Variants in CCDC160 observed in about 807,000 individuals in gnomAD.
The protein encoded by CCDC160 is coiled-coil domain containing 160.
For synonymous variants in CCDC160, 94 were observed against 79.4 expected (o/e 1.18, Z -0.98); for missense variants, 227 against 215.6 (o/e 1.05, Z -0.33).
rs776034803 is a variant in CCDC160 at position 134,245,496 on chromosome X, C to G, written c.696C>G (p.His232Gln). ...TCCAGCAAGCCAAAGAAGTCATCCACAAATTGAACCTAGAGAACAGAAATT... is the reference window on the plus strand; with the variant it reads ...TCCAGCAAGCCAAAGAAGTCATCCAGAAATTGAACCTAGAGAACAGAAATT... The change falls in exon 2 of 2, where the codon CAC becomes CAG. Residue 232 changes from histidine to glutamine, a missense_variant. Transcript: ENST00000370809. The G allele has an allele frequency of 3.8e-5, 45 of 1,191,446 alleles. No individual in the cohort carries two copies. The highest frequency in any genetic ancestry group is 5.0e-5 in the Non-Finnish European group (44 of 886,060).
intron 1 of CCDC160, among the ~76,000 whole-genome samples, chrX:134,239,420 A>G (rs906589583): frequency 8.0e-5 from 9 of 112,244 alleles, no homozygotes; most frequent in Admixed American, 4.7e-4. Context: ...CCAATATATT[A>G]GGGTGTAGAA....
chrX:134,246,187 T>G (rs1475768898), downstream of CCDC160: 1 of 114,674 alleles, frequency 8.7e-6, no homozygotes, highest in African/African-American at 3.2e-5. Flanking sequence ...ATAAAAATCT[T>G]GTTTATGTGT....
intron 1 of CCDC160, among the ~76,000 whole-genome samples, chrX:134,241,214 A>G (rs1166626196): frequency 1.8e-5 from 2 of 111,928 alleles, no homozygotes; most frequent in Non-Finnish European, 3.8e-5. Flanking sequence ...ATAGATGTGC[A>G]TTCCTCTAAG....
At chrX:134,245,628 A>G (rs1326942639) in exon 2 of CCDC160, 4 of 1,208,263 alleles carry the variant, frequency 3.3e-6, no homozygotes, top group Non-Finnish European at 4.5e-6. Flanking sequence ...AGATCCGCGG[A>G]GAGCTCAGTG....
At chrX:134,245,448 T>C (rs2077040001) in exon 2 of CCDC160, 1 of 1,182,314 alleles carries the variant, frequency 8.5e-7, no homozygotes, top group South Asian at 1.9e-5. Flanking sequence ...AAGCAACAAA[T>C]GTAAAAAACT....
At chrX:134,245,317 A>G in exon 2 of CCDC160, 1 of 1,189,758 alleles carries the variant, frequency 8.4e-7, no homozygotes. Flanking sequence ...AAATGCTGAA[A>G]AAGAACTTTT....
chrX:134,242,841 G>A (rs1160164558), intron 1 of CCDC160, among the ~76,000 whole-genome samples: 1 of 110,630 alleles, frequency 9.0e-6, no homozygotes, highest in African/African-American at 3.3e-5. Context: ...TAAGTAAGAG[G>A]AATAGTAATC....
exon 2 of CCDC160, chrX:134,245,261 T>C: frequency 1.7e-6 from 2 of 1,192,045 alleles, no homozygotes; most frequent in Non-Finnish European, 2.3e-6. Flanking sequence ...AATGAAGAAC[T>C]GGAAGAACTT....
intron 1 of CCDC160, 61 bp from the exon 2 acceptor site, chrX:134,238,689 C>G (rs1459746819): frequency 9.0e-6 from 1 of 111,473 alleles, no homozygotes; most frequent in Admixed American, 9.7e-5. Context: ...TCATTTTAAT[C>G]TACATCTCAG....
intron 1 of CCDC160, among the ~76,000 whole-genome samples, chrX:134,240,664 C>CTTTTTTTT (rs3045487): frequency 3.7e-5 from 1 of 27,169 alleles, no homozygotes; most frequent in African/African-American, 1.6e-4. Context: ...AAACCAAATT[C>CTTTTTTTT]TTTTTTTTTT....
chrX:134,245,728 A>G, exon 2 of CCDC160: 4 of 1,180,362 alleles, frequency 3.4e-6, no homozygotes, highest in East Asian at 3.0e-5. Context: ...TGCTTCTTCA[A>G]TGGTAACATC....
chrX:134,246,104 A>C, downstream of CCDC160: 1 of 136,888 alleles, frequency 7.3e-6, no homozygotes, highest in Non-Finnish European at 1.4e-5. Flanking sequence ...CAAATCAGCA[A>C]TTTTGTGATC....
chrX:134,245,340 AG>A lies in CCDC160; in HGVS notation c.541del (p.Glu181LysfsTer7). The A allele has an allele frequency of 8.4e-7, 1 of 1,191,441 alleles. No homozygotes were observed. The highest frequency in any genetic ancestry group is 1.1e-6 in the Non-Finnish European group (1 of 885,738). On this transcript the variant is annotated frameshift_variant, in exon 2 of 2. Transcript: ENST00000370809. LOFTEE classifies it low-confidence loss of function (END_TRUNC). ...AAAAAGAACTTTTGCACTACAAAAAAGAAATATTCACAAAACCCCTAAATTT... is the reference window on the plus strand; with the variant it reads ...AAAAAGAACTTTTGCACTACAAAAAAAAATATTCACAAAACCCCTAAATTT...
exon 2 of CCDC160, chrX:134,245,260 C>G (rs1306203428): frequency 6.7e-6 from 8 of 1,190,269 alleles, no homozygotes; most frequent in Non-Finnish European, 9.0e-6. Flanking sequence ...GAATGAAGAA[C>G]TGGAAGAACT....
exon 2 of CCDC160, chrX:134,245,650 G>A: frequency 8.3e-7 from 1 of 1,207,295 alleles, no homozygotes; most frequent in Non-Finnish European, 1.1e-6. Context: ...CATCAAGAAT[G>A]AACTGAGAAC....
At chrX:134,246,519 C>G (rs764112007), downstream of CCDC160, among the ~76,000 whole-genome samples, 3 of 111,357 alleles carry the variant, frequency 2.7e-5, no homozygotes, top group Non-Finnish European at 5.6e-5. Context: ...TTCCAAAACT[C>G]GACCAGGGGA....
intron 1 of CCDC160, 56 bp from the exon 2 acceptor site, chrX:134,238,694 T>C (rs1324848359): frequency 9.0e-6 from 1 of 111,471 alleles, no homozygotes; most frequent in African/African-American, 3.3e-5. Flanking sequence ...TTAATCTACA[T>C]CTCAGATATA....
downstream of CCDC160, chrX:134,245,817 C>CA: frequency 1.0e-6 from 1 of 961,764 alleles, no homozygotes; most frequent in Non-Finnish European, 1.4e-6. Context: ...GTCATTGAGC[C>CA]AAATCAGTGT....
chrX:134,237,286 G>A (rs1307988094), exon 1 of CCDC160: 1 of 113,235 alleles, frequency 8.8e-6, no homozygotes, highest in African/African-American at 3.2e-5. Flanking sequence ...GCGCGCGGGT[G>A]GTGGTTGTCT....
Sources: gnomAD v4.1 joint callset for allele counts (sites outside exome capture counted in the v4.1 genomes callset) on GRCh38, gnomAD v4.1.1 for gene constraint, MANE v1.5 for transcripts, NCBI Gene and HGNC (gene_info 2026-07-23, HGNC 2026-07-21) for gene names.